Variants in GALNT14 observed in about 807,000 individuals in gnomAD.
The protein encoded by GALNT14 is UDP-GalNAc:polypeptide N-acetylgalactosaminyltransferase 14.
Under a neutral mutation model 77.5 loss-of-function variants are expected in GALNT14, and 60 were observed. That is an observed-to-expected ratio of 0.77 (90% CI 0.63 to 0.96). GALNT14 has a LOEUF of 0.96. GALNT14 is among the 40% of genes least tolerant of loss of function. The pLI, the probability that GALNT14 is intolerant of heterozygous loss-of-function variation, is 0.00. For missense variants in GALNT14, 710 were observed against 731.0 expected (o/e 0.97, Z 0.33); for synonymous variants, 280 against 281.7 (o/e 0.99, Z 0.06).
At chr2:31,012,255 T>A (rs998215229) in intron 1 of GALNT14, among the ~76,000 whole-genome samples, 2 of 152,190 alleles carry the variant, frequency 1.3e-5, no homozygotes, top group Non-Finnish European at 2.9e-5. Context: ...CCCTGGACTT[T>A]TGGTCTGGCT....
chr2:30,977,537 T>G (rs987634822), intron 2 of GALNT14, among the ~76,000 whole-genome samples: 4 of 152,168 alleles, frequency 2.6e-5, no homozygotes, highest in African/African-American at 9.7e-5. Context: ...TTTCAGACTT[T>G]CCACCTAAAG....
At chr2:30,910,311 C>G (rs1447839129), downstream of GALNT14, among the ~76,000 whole-genome samples, 1 of 152,086 alleles carries the variant, frequency 6.6e-6, no homozygotes, top group African/African-American at 2.4e-5. Flanking sequence ...TAAGATCCCA[C>G]AGCTAGTTGG....
rs148160910 is a variant in GALNT14 at position 30,989,043 on chromosome 2, G to A, written c.299+3795C>T. ...ATCAGATTTTAACAAGATCCTCAGA[G>A]GGGTTCTTTGTTTGCCTATTTAAGT... On this transcript the variant is annotated intron_variant, in intron 2 of 14. Transcript: ENST00000349752. Among the ~76,000 whole-genome samples, 688 of 152,296 alleles carry A rather than the reference G, an allele frequency of 4.5e-3. 1 individual carries two copies. Among genetic ancestry groups the A allele is most frequent in the Middle Eastern group, 0.037 (11 of 294 alleles).
At chr2:31,029,418 C>T (rs747499455) in intron 1 of GALNT14, among the ~76,000 whole-genome samples, 12 of 152,142 alleles carry the variant, frequency 7.9e-5, no homozygotes, top group East Asian at 1.9e-4. Flanking sequence ...CACCAGCATC[C>T]GACCATCTGG....
At chr2:31,029,778 T>C (rs1672297413) in intron 1 of GALNT14, among the ~76,000 whole-genome samples, 2 of 152,198 alleles carry the variant, frequency 1.3e-5, no homozygotes, top group African/African-American at 4.8e-5. Flanking sequence ...ACCTTTAAAC[T>C]GTTTAGAGAG....
At position 31,138,407 on chromosome 2, in the gene GALNT14, CCGCCGCCTT is replaced by C. The variant is rs1192606042; in HGVS notation, c.-330_-322del. ...GCCACCGCGGCTGCCGCCGCCGCCG[CCGCCGCCTT>C]GCCCGCTGCCGCCGATAGGGAAACT... On this transcript the variant is annotated 5_prime_UTR_variant, in exon 1 of 15. Transcript: ENST00000349752. The C allele has an allele frequency of 1.4e-5, 5 of 360,876 alleles. No individual in the cohort carries two copies. The highest frequency in any genetic ancestry group is 2.2e-5 in the African/African-American group (1 of 45,068). 22.4% of individuals were successfully genotyped at this position (360,876 alleles called of 1,614,324 possible).
chr2:30,889,117 C>T, the GALNT14 span, among the ~76,000 whole-genome samples: 1 of 152,114 alleles, frequency 6.6e-6, no homozygotes, highest in East Asian at 1.9e-4. Flanking sequence ...TGATTCATTC[C>T]TGGGAGGGAG....
intron 1 of GALNT14, chr2:31,073,256 G>A (rs1248567376): frequency 2.0e-5 from 3 of 152,328 alleles, no homozygotes; most frequent in Non-Finnish European, 4.4e-5. Flanking sequence ...TTTGCCCTAT[G>A]CCTGGCATAT....
intron 1 of GALNT14, among the ~76,000 whole-genome samples, chr2:31,099,216 A>G (rs112909236): frequency 0.011 from 1,732 of 152,218 alleles, 13 homozygotes; most frequent in South Asian, 0.028. Flanking sequence ...TGTTAAGTAC[A>G]TCTTTTAACA....
intron 1 of GALNT14, among the ~76,000 whole-genome samples, chr2:31,075,618 C>T (rs1353650633): frequency 6.6e-6 from 1 of 152,226 alleles, no homozygotes; most frequent in East Asian, 1.9e-4. Context: ...AGAGTGACAG[C>T]GTGTTTACAA....
intron 1 of GALNT14, among the ~76,000 whole-genome samples, chr2:31,035,141 T>G (rs1672638699): frequency 6.6e-6 from 1 of 152,192 alleles, no homozygotes; most frequent in South Asian, 2.1e-4. Flanking sequence ...TAGTTTGTAG[T>G]ATTACTATTT....
intron 1 of GALNT14, among the ~76,000 whole-genome samples, chr2:31,100,598 G>A (rs6760393): frequency 0.06 from 9,034 of 151,696 alleles, 395 homozygotes; most frequent in African/African-American, 0.12. Flanking sequence ...AGGAGTAACA[G>A]TACTAATAGC....
At chr2:30,922,304 C>A (rs1331180576) in intron 13 of GALNT14, among the ~76,000 whole-genome samples, 1 of 152,084 alleles carries the variant, frequency 6.6e-6, no homozygotes, top group Non-Finnish European at 1.5e-5. Flanking sequence ...ATCCTGTTCC[C>A]CAGGACAAAA....
intron 1 of GALNT14, among the ~76,000 whole-genome samples, chr2:31,130,734 C>CTGTGTGTGTGTGTGTGTG (rs4020220): frequency 4.3e-4 from 51 of 117,528 alleles, no homozygotes; most frequent in African/African-American, 1.2e-3. Flanking sequence ...CAGGGTACCT[C>CTGTGTGTGTGTGTGTGTG]TGTGTGTGTG....
At position 30,992,964 on chromosome 2, in the gene GALNT14, T is replaced by C. The variant is rs765639411; in HGVS notation, c.173A>G (p.Glu58Gly). 1.9e-6 allele frequency: 3 copies of C among 1,613,968 alleles called. No homozygotes were observed. The highest frequency in any genetic ancestry group is 2.5e-6 in the Non-Finnish European group (3 of 1,180,018). The change falls in exon 2 of 15, where the codon GAG becomes GGG. Residue 58 changes from glutamate (E) to glycine (G), a missense_variant. Coordinates refer to ENST00000349752, the MANE Select transcript of GALNT14 (RefSeq NM_024572.4). ...CTTTTTGGCATTCAGATACCGCCGC[T>C]CATCAAACTGGTCCCACAGGTCGTC... is the stretch of plus-strand genomic sequence containing the variant. ...DWDDLWDQFD[E>G]RRYLNAKKWR... is the part of the protein sequence containing the mutation.
intron 8 of GALNT14, among the ~76,000 whole-genome samples, chr2:30,943,970 ATACT>A (rs1459860560): frequency 6.6e-6 from 1 of 152,186 alleles, no homozygotes; most frequent in Non-Finnish European, 1.5e-5. Context: ...AAATGATTAA[ATACT>A]TACTATGTGG....
chr2:31,043,714 T>C (rs536168452), intron 1 of GALNT14, among the ~76,000 whole-genome samples: 45 of 152,290 alleles, frequency 3.0e-4, no homozygotes, highest in African/African-American at 1.1e-3. Flanking sequence ...CAAGTATATA[T>C]TGAGGGCCTG....
chr2:31,104,648 C>T (rs1677459952), intron 1 of GALNT14, among the ~76,000 whole-genome samples: 2 of 152,232 alleles, frequency 1.3e-5, no homozygotes, highest in East Asian at 1.9e-4. Context: ...CAGTCTTTCT[C>T]TGTTTCTCAA....
intron 1 of GALNT14, among the ~76,000 whole-genome samples, chr2:31,060,623 C>A (rs1200500130): frequency 6.6e-6 from 1 of 152,328 alleles, no homozygotes; most frequent in Non-Finnish European, 1.5e-5. Flanking sequence ...TCTAGCTGCA[C>A]CTTTAATCGG....
Sources: gnomAD v4.1 joint callset for allele counts (sites outside exome capture counted in the v4.1 genomes callset) on GRCh38, gnomAD v4.1.1 for gene constraint, MANE v1.5 for transcripts, NCBI Gene and HGNC (gene_info 2026-07-23, HGNC 2026-07-21) for gene names.